EXD3: variants seen among roughly 807,000 people sequenced by gnomAD.
EXD3 encodes exonuclease mut-7 homolog.
A neutral mutation model predicts 98.0 loss-of-function variants in EXD3; 92 were observed. That is an observed-to-expected ratio of 0.94 (90% confidence interval 0.79 to 1.12). The LOEUF is 1.12. EXD3 is among the 50% of genes most tolerant of loss of function. EXD3 has a pLI of 0.00. For synonymous variants in EXD3, 569 were observed against 526.0 expected (o/e 1.08, Z -1.12); for missense variants, 1,222 against 1,191.6 (o/e 1.03, Z -0.38).
chr9:137,353,987 C>A (rs1834463905), intron 10 of EXD3: 10 of 1,109,444 alleles, frequency 9.0e-6, no homozygotes, highest in East Asian at 5.0e-5. Context: ...GGGGGCCTGG[C>A]CTTCCTCCTT....
chr9:137,387,196 C>T lies in EXD3; in HGVS notation c.56-3819G>A, dbSNP rs188552252. Among the ~76,000 whole-genome samples, 180 of 152,246 alleles carry T rather than the reference C, an allele frequency of 1.2e-3. 1 individual carries two copies. The highest frequency in any genetic ancestry group is 3.7e-4 in the Non-Finnish European group (25 of 68,024). On this transcript the variant is annotated intron_variant, in intron 2 of 21. Transcript: ENST00000340951. ...CTGGCCCCCGGCCCCTGCCCTTCTG[C>T]CCCTGTCGCTTCACTGTGGCCTCAA...
intron 17 of EXD3, among the ~76,000 whole-genome samples, chr9:137,334,204 G>T (rs1320246114): frequency 6.6e-6 from 1 of 152,174 alleles, no homozygotes; most frequent in African/African-American, 2.4e-5. Context: ...GTTTCACCAT[G>T]TTGGCCGGGC....
chr9:137,331,491 G>C (rs1833060569), intron 17 of EXD3, among the ~76,000 whole-genome samples: 1 of 152,144 alleles, frequency 6.6e-6, no homozygotes, highest in Non-Finnish European at 1.5e-5. Context: ...CCAATGTTAT[G>C]ACTGTATACC....
At chr9:137,382,003 G>C (rs1287771497) in intron 3 of EXD3, among the ~76,000 whole-genome samples, 2 of 150,418 alleles carry the variant, frequency 1.3e-5, no homozygotes, top group African/African-American at 2.5e-5. Flanking sequence ...AGGACGCGGG[G>C]AGGAGGTGAG....
chr9:137,354,793 C>T lies in EXD3; in HGVS notation c.758-20G>A, dbSNP rs377698631. On this transcript the variant is annotated intron_variant, in intron 8 of 21. Coordinates refer to ENST00000340951, the MANE Select transcript of EXD3 (RefSeq NM_017820.5). Reference sequence around the variant, plus strand: ...ACAGCGCTGAAAGGAAAGGCCAGCTCAGCACTGAGGGCTCAGGGCAGCCTC... The same window carrying T: ...ACAGCGCTGAAAGGAAAGGCCAGCTTAGCACTGAGGGCTCAGGGCAGCCTC... The T allele has an allele frequency of 8.7e-6, 14 of 1,604,296 alleles. No individual in the cohort carries two copies. The African/African-American group carries it at 1.9e-4, about 21-fold the overall frequency.
intron 3 of EXD3, chr9:137,374,637 C>T: frequency 1.0e-6 from 1 of 985,534 alleles, no homozygotes; most frequent in Non-Finnish European, 1.2e-6. Flanking sequence ...GACCTCAGCG[C>T]TGTCCAGGAG....
At position 137,324,673 on chromosome 9, in the gene EXD3, G is replaced by A. The variant is rs1832290290; in HGVS notation, c.1999-530C>T. 6.6e-6 allele frequency among the ~76,000 whole-genome samples: 1 copy of A among 152,172 alleles called. No individual in the cohort carries two copies. Among genetic ancestry groups the A allele is most frequent in the Non-Finnish European group, 1.5e-5 (1 of 68,036 alleles). On this transcript the variant is annotated intron_variant, in intron 17 of 21. Transcript: ENST00000340951. The surrounding 1 kb of genome is among the most constrained non-coding windows in gnomAD (Gnocchi z 4.1). ...GTATGAGAGTTTTCAGCTGACAAAG[G>A]AGATACAAAATTAAAATTAAGGATT...
intron 2 of EXD3, among the ~76,000 whole-genome samples, chr9:137,391,449 G>T (rs1213923790): frequency 5.3e-5 from 8 of 152,230 alleles, no homozygotes; most frequent in African/African-American, 1.9e-4. Context: ...CAGCCTTGGA[G>T]GCTCCCATTG....
intron 16 of EXD3, among the ~76,000 whole-genome samples, chr9:137,348,794 G>A (rs1208516201): frequency 6.7e-6 from 1 of 148,728 alleles, no homozygotes; most frequent in African/African-American, 2.5e-5. Context: ...TAGATAGAGA[G>A]GGGTGGGGAT....
Position 137,352,803 on chromosome 9 carries a change from C to A in EXD3, c.871-17G>T, listed in dbSNP as rs181399361. Reference sequence around the variant, plus strand: ...CACCAGGCCCTGTGAGGAGGGTGGCCGTGAGGATGGAGATGGGGACATTGC... The same window carrying A: ...CACCAGGCCCTGTGAGGAGGGTGGCAGTGAGGATGGAGATGGGGACATTGC... On this transcript the variant is annotated splice_polypyrimidine_tract_variant and intron_variant, in intron 10 of 21. Coordinates refer to ENST00000340951, the MANE Select transcript of EXD3 (RefSeq NM_017820.5). 1 of 1,576,262 alleles carries A rather than the reference C, an allele frequency of 6.3e-7. No homozygotes were observed. Among genetic ancestry groups the A allele is most frequent in the Non-Finnish European group, 8.6e-7 (1 of 1,163,610 alleles).
At chr9:137,414,424 G>A (rs1454950670) in intron 1 of EXD3, among the ~76,000 whole-genome samples, 4 of 152,138 alleles carry the variant, frequency 2.6e-5, no homozygotes, top group Admixed American at 2.6e-4. Flanking sequence ...ACAGCTGTGT[G>A]CATGTTTCTG....
intron 3 of EXD3, chr9:137,374,434 C>T (rs548010825): frequency 6.5e-6 from 3 of 459,858 alleles, no homozygotes; most frequent in Non-Finnish European, 8.6e-6. Flanking sequence ...GCGCTGTTCT[C>T]GTCCCTGCGA....
At chr9:137,326,305 T>C (rs1389311669) in intron 17 of EXD3, among the ~76,000 whole-genome samples, 1 of 151,492 alleles carries the variant, frequency 6.6e-6, no homozygotes, top group African/African-American at 2.4e-5. Context: ...TGACGAGGGG[T>C]TGATATCCAG....
At chr9:137,322,546 A>C (rs371813807) in intron 19 of EXD3, among the ~76,000 whole-genome samples, 22 of 46,080 alleles carry the variant, frequency 4.8e-4, no homozygotes, top group South Asian at 3.7e-3. Flanking sequence ...CGACACCTCA[A>C]CCCGGACCAC....
At chr9:137,308,854 T>C (rs551928472) in intron 20 of EXD3, among the ~76,000 whole-genome samples, 45 of 152,232 alleles carry the variant, frequency 3.0e-4, no homozygotes, top group Non-Finnish European at 5.0e-4. Flanking sequence ...GCCACCACCA[T>C]TGAGATGGTC....
rs200236638 is a variant in EXD3 at position 137,403,409 on chromosome 9, CCCCACCCCCAG to C, written c.-47-8016_-47-8006del. 8.9e-6 allele frequency among the ~76,000 whole-genome samples: 1 copy of C among 112,212 alleles called. No homozygotes were observed. Among genetic ancestry groups the C allele is most frequent in the Non-Finnish European group, 2.0e-5 (1 of 50,754 alleles). The allele number at this position is 112,212 out of a possible 152,430, so 73.6% of individuals were successfully genotyped here. On this transcript the variant is annotated intron_variant, in intron 1 of 21. Coordinates refer to ENST00000340951, the MANE Select transcript of EXD3 (RefSeq NM_017820.5). This position sits in a 1 kb window ranked among gnomAD's most constrained non-coding sequence, Gnocchi z 6.1. ...GCAGACCCCGTTCCTCTGTAGCCCT[CCCCACCCCCAG>C]CCCAGCAGCAGCAGCAGCCAGCACA... is the stretch of plus-strand genomic sequence containing the variant.
chr9:137,364,047 A>G lies in EXD3; in HGVS notation c.656+2446T>C, dbSNP rs571284006. ...CAATATGGTGATTTTTCATTTTGTCATTCCTTTTCCATCTGTTAGCTGGAA... is the reference window on the plus strand; with the variant it reads ...CAATATGGTGATTTTTCATTTTGTCGTTCCTTTTCCATCTGTTAGCTGGAA... On this transcript the variant is annotated intron_variant, in intron 7 of 21. Transcript: ENST00000340951. 1.3e-3 allele frequency among the ~76,000 whole-genome samples: 197 copies of G among 152,094 alleles called. 1 individual carries two copies. Among genetic ancestry groups the G allele is most frequent in the African/African-American group, 4.6e-3 (190 of 41,444 alleles).
intron 17 of EXD3, among the ~76,000 whole-genome samples, chr9:137,332,461 C>G (rs1833121340): frequency 6.6e-6 from 1 of 151,684 alleles, no homozygotes; most frequent in Admixed American, 6.6e-5. Context: ...GTAGTGGGCA[C>G]CTGTAGTCCC....
At chr9:137,307,337 C>T in intron 21 of EXD3, 74 bp from the exon 22 acceptor site, 1 of 1,437,112 alleles carries the variant, frequency 7.0e-7, no homozygotes, top group Non-Finnish European at 9.1e-7. Context: ...CAGAGTGGTG[C>T]AGTTGGCGGC....
Sources: allele counts gnomAD v4.1 joint callset (sites outside exome capture counted in the v4.1 genomes callset), GRCh38; gene constraint gnomAD v4.1.1; non-coding constraint Gnocchi (gnomAD v3.1); transcripts MANE v1.5; gene names NCBI Gene and HGNC (gene_info 2026-07-23, HGNC 2026-07-21).